PAPPA2: variants seen among roughly 807,000 people sequenced by gnomAD.
PAPPA2 encodes the protein pappalysin-2.
A neutral mutation model predicts 176.4 loss-of-function variants in PAPPA2; 86 were observed. That is an observed-to-expected ratio of 0.49 (90% CI 0.41 to 0.58). The LOEUF (loss-of-function observed/expected upper bound fraction) is 0.58, where lower values mean the gene tolerates loss of function less well. PAPPA2 is among the 20% of genes least tolerant of loss of function. The probability of loss-of-function intolerance (pLI) is 0.00; values close to 1 mark genes in which losing one functional copy is unlikely to be tolerated. For synonymous variants in PAPPA2, 809 were observed against 852.2 expected (o/e 0.95, Z 0.88); for missense variants, 2,073 against 2,256.9 (o/e 0.92, Z 1.65).
chr1:176,463,523 T>C (rs1651474980), intron 1 of PAPPA2, 105 bp downstream of exon 1: 1 of 152,268 alleles, frequency 6.6e-6, no homozygotes, highest in African/African-American at 2.4e-5. Context: ...TTAGACTTCT[T>C]GTATTCTTTT....
chr1:176,832,908 A>C (rs545238128), intron 21 of PAPPA2, among the ~76,000 whole-genome samples: 1 of 152,252 alleles, frequency 6.6e-6, no homozygotes, highest in South Asian at 2.1e-4. Context: ...TAAGCTGATT[A>C]TAATCAGCCT....
intron 6 of PAPPA2, 127 bp downstream of exon 6, chr1:176,692,445 A>G: frequency 1.1e-6 from 1 of 943,294 alleles, no homozygotes. Context: ...CACTGCTCAG[A>G]GCTGCTGCTC....
At chr1:176,465,448 G>T (rs983206894) in intron 1 of PAPPA2, among the ~76,000 whole-genome samples, 1 of 151,430 alleles carries the variant, frequency 6.6e-6, no homozygotes, top group African/African-American at 2.5e-5. Flanking sequence ...AGGTGACAAC[G>T]TTTATTTGAT....
At chr1:176,536,091 C>T (rs1223015773) in intron 1 of PAPPA2, among the ~76,000 whole-genome samples, 1 of 152,186 alleles carries the variant, frequency 6.6e-6, no homozygotes, top group Non-Finnish European at 1.5e-5. Flanking sequence ...TGAGGTTCCC[C>T]TGTCACGGGT....
At chr1:176,763,648 T>C (rs933615630) in intron 14 of PAPPA2, among the ~76,000 whole-genome samples, 15 of 152,220 alleles carry the variant, frequency 9.9e-5, no homozygotes, top group African/African-American at 3.1e-4. Context: ...AGTTGGAACA[T>C]TGAGCATTTA....
intron 12 of PAPPA2, among the ~76,000 whole-genome samples, chr1:176,721,784 C>T (rs1399822463): frequency 6.6e-6 from 1 of 152,148 alleles, no homozygotes; most frequent in Non-Finnish European, 1.5e-5. Context: ...CTTCTCCAAT[C>T]TGTGGCTTAG....
chr1:176,710,919 C>G (rs1267821407), intron 11 of PAPPA2, among the ~76,000 whole-genome samples: 1 of 152,180 alleles, frequency 6.6e-6, no homozygotes, highest in Non-Finnish European at 1.5e-5. Context: ...TCCTCGGGTG[C>G]AGCCTTCTTC....
intron 1 of PAPPA2, among the ~76,000 whole-genome samples, chr1:176,489,073 C>G (rs571908962): frequency 6.6e-6 from 1 of 152,226 alleles, no homozygotes; most frequent in Admixed American, 6.5e-5. Flanking sequence ...ACATAGTGAC[C>G]AAGTGTGTAT....
chr1:176,779,476 T>TCTCA lies in PAPPA2; in HGVS notation c.4715+8297_4715+8298insTCAC, dbSNP rs1315037600. ...GCAGAATGTTAACATTCCATACTCA[T>TCTCA]CACACACACACACACACACACACAC... is the stretch of plus-strand genomic sequence containing the variant. On this transcript the variant is annotated intron_variant, in intron 17 of 22. Transcript: ENST00000367662. Among the ~76,000 whole-genome samples, 22 of 126,966 alleles carry TCTCA rather than the reference T, an allele frequency of 1.7e-4. 1 individual carries two copies. The highest frequency in any genetic ancestry group is 1.4e-3 in the South Asian group (5 of 3,540). 83.3% of individuals were successfully genotyped at this position (126,966 alleles called of 152,430 possible).
chr1:176,781,753 C>T (rs2102926261), intron 17 of PAPPA2, among the ~76,000 whole-genome samples: 1 of 152,212 alleles, frequency 6.6e-6, no homozygotes, highest in Non-Finnish European at 1.5e-5. Context: ...TTAAAATGCA[C>T]ATTCTTGTTG....
rs1469743997 is a variant in PAPPA2, at chr1:176,800,123, G to C, written c.5193G>C (p.Gln1731His). Residue 1731 changes from glutamine to histidine, a missense_variant, in exon 21 of 23, where the codon CAG becomes CAC. Physicochemically the swap from Gln to His is conservative, Grantham distance 24 (BLOSUM62 0). Coordinates refer to ENST00000367662, the MANE Select transcript of PAPPA2 (RefSeq NM_020318.3). ...HPDPVLVHCI[Q>H]SCEPFQADGW... ...ACCCCGTCTTAGTCCACTGCATCCA[G>C]TCATGTGAGGTAAGATAGCCTCCCC... 5.6e-6 allele frequency: 9 copies of C among 1,614,000 alleles called. No homozygotes were observed. The East Asian group carries it at 2.0e-4, about 36-fold the overall frequency.
chr1:176,660,538 C>T (rs1004224121), intron 3 of PAPPA2, among the ~76,000 whole-genome samples: 1 of 152,090 alleles, frequency 6.6e-6, no homozygotes, highest in Non-Finnish European at 1.5e-5. Context: ...GGGGCAAATA[C>T]AGAGATCTGG....
intron 21 of PAPPA2, among the ~76,000 whole-genome samples, chr1:176,817,492 C>T (rs1666450322): frequency 6.6e-6 from 1 of 152,052 alleles, no homozygotes; most frequent in Non-Finnish European, 1.5e-5. Flanking sequence ...AAATGTAGTC[C>T]ATGGAAGAGT....
chr1:176,720,742 C>T (rs1661578881), intron 12 of PAPPA2, among the ~76,000 whole-genome samples: 1 of 152,036 alleles, frequency 6.6e-6, no homozygotes, highest in Non-Finnish European at 1.5e-5. Flanking sequence ...CCTCGGCAAG[C>T]GGGAGACCTG....
At chr1:176,647,636 A>G (rs1179690099) in intron 3 of PAPPA2, among the ~76,000 whole-genome samples, 2 of 151,646 alleles carry the variant, frequency 1.3e-5, no homozygotes, top group Non-Finnish European at 3.0e-5. Flanking sequence ...GCATATGGTT[A>G]TCCAGTTTTC....
At chr1:176,647,677 T>C (rs1657482183) in intron 3 of PAPPA2, among the ~76,000 whole-genome samples, 1 of 151,774 alleles carries the variant, frequency 6.6e-6, no homozygotes, top group Non-Finnish European at 1.5e-5. Context: ...GACTGTCCTT[T>C]CCCTATTGTA....
chr1:176,755,301 A>C (rs1663363051), intron 14 of PAPPA2, among the ~76,000 whole-genome samples: 1 of 152,080 alleles, frequency 6.6e-6, no homozygotes, highest in Non-Finnish European at 1.5e-5. Context: ...TGAATTTGGG[A>C]GCCATTCAAG....
At chr1:176,737,985 G>A (rs181187658) in intron 12 of PAPPA2, among the ~76,000 whole-genome samples, 1 of 152,196 alleles carries the variant, frequency 6.6e-6, no homozygotes, top group East Asian at 1.9e-4. Flanking sequence ...TTCTGTTCCT[G>A]GCTCAGAAAA....
At chr1:176,713,418 A>G (rs972964045) in intron 12 of PAPPA2, among the ~76,000 whole-genome samples, 1 of 152,138 alleles carries the variant, frequency 6.6e-6, no homozygotes, top group Admixed American at 6.6e-5. Context: ...TCTTCTTTAA[A>G]CCTGAGCAAA....
Sources: gnomAD v4.1 joint callset for allele counts (sites outside exome capture counted in the v4.1 genomes callset) on GRCh38, gnomAD v4.1.1 for gene constraint, MANE v1.5 for transcripts, NCBI Gene and HGNC (gene_info 2026-07-23, HGNC 2026-07-21) for gene names.